Variants in CERS6 observed in about 807,000 individuals in gnomAD.
The protein encoded by CERS6 is ceramide synthase 6.
In CERS6, 26 loss-of-function variants were observed where a neutral mutation model predicts 56.8. The observed-to-expected ratio is 0.46, with a 90% confidence interval of 0.34 to 0.63. The LOEUF (loss-of-function observed/expected upper bound fraction) is 0.63, where lower values mean the gene tolerates loss of function less well. Ranked by LOEUF, CERS6 falls within the 30% of genes least tolerant of loss-of-function variation. The pLI is 0.01. For synonymous variants in CERS6, 164 were observed against 173.3 expected, an observed-to-expected ratio of 0.95 and a Z score of 0.42; for missense variants, 415 against 467.5, an observed-to-expected ratio of 0.89 and a Z score of 1.04.
Position 168,456,448 on chromosome 2 carries a change from G to C in CERS6, c.-1G>C, listed in dbSNP as rs764483068. 1 of 1,612,852 alleles carries C rather than the reference G, an allele frequency of 6.2e-7. No homozygotes were observed. The highest frequency in any genetic ancestry group is 8.5e-7 in the Non-Finnish European group (1 of 1,179,312). ...CGCAGGACAGGAGTGGACAAAGCAA[G>C]ATGGCAGGGATCTTAGCCTGGTTCT... On this transcript the variant is annotated 5_prime_UTR_variant, in exon 1 of 10. Coordinates refer to ENST00000305747, the MANE Select transcript of CERS6 (RefSeq NM_203463.3). The surrounding 1 kb of genome is among the most constrained non-coding windows in gnomAD (Gnocchi z 4.1).
chr2:168,491,192 A>G (rs1396406042), intron 1 of CERS6, among the ~76,000 whole-genome samples: 1 of 152,210 alleles, frequency 6.6e-6, no homozygotes, highest in African/African-American at 2.4e-5. Flanking sequence ...TGTTTGAAAG[A>G]AAACAGGGTT....
chr2:168,601,806 T>A (rs1683939854), intron 3 of CERS6, among the ~76,000 whole-genome samples: 1 of 152,144 alleles, frequency 6.6e-6, no homozygotes, highest in Admixed American at 6.6e-5. Context: ...CACCCCAGCC[T>A]CCCATAGTGC....
chr2:168,510,347 A>G (rs951865448), intron 1 of CERS6, among the ~76,000 whole-genome samples: 1 of 152,198 alleles, frequency 6.6e-6, no homozygotes, highest in African/African-American at 2.4e-5. Flanking sequence ...AAACAGATGT[A>G]CCATCTTTTA....
At chr2:168,469,528 A>G (rs1693939991) in intron 1 of CERS6, among the ~76,000 whole-genome samples, 1 of 151,534 alleles carries the variant, frequency 6.6e-6, no homozygotes, top group African/African-American at 2.4e-5. Flanking sequence ...GGAAATTGAA[A>G]CTTAGTGATT....
rs1193983720 is a variant in CERS6 at position 168,645,116 on chromosome 2, A to AT, written c.465+14074_465+14075insT. The stretch of plus-strand genomic sequence containing the variant: ...AAAAAAAAAAAAAAAAAAAAAAAAA[A>AT]ATATATATATATATATATATATATA... On this transcript the variant is annotated intron_variant, in intron 4 of 9. Transcript: ENST00000305747. Among the ~76,000 whole-genome samples, 45 of 19,010 alleles carry AT rather than the reference A, an allele frequency of 2.4e-3. 7 individuals are homozygous for AT. The highest frequency in any genetic ancestry group is 3.6e-3 in the Non-Finnish European group (36 of 10,002). The allele number at this position is 19,010 out of a possible 152,430, so 12.5% of individuals were successfully genotyped here. A position where few individuals can be genotyped will look rare whatever the true frequency, so the allele number is the denominator to read the frequency against.
intron 1 of CERS6, among the ~76,000 whole-genome samples, chr2:168,485,716 A>G (rs13427333): frequency 0.077 from 11,787 of 152,238 alleles, 510 homozygotes; most frequent in East Asian, 0.18. Context: ...TCCACCTTAT[A>G]GATAAACAAG....
chr2:168,488,609 C>G (rs1209152406), intron 1 of CERS6, among the ~76,000 whole-genome samples: 4 of 151,860 alleles, frequency 2.6e-5, no homozygotes, highest in Non-Finnish European at 5.9e-5. Flanking sequence ...TCCGTGTATT[C>G]CCTCAGTTAT....
At chr2:168,505,382 C>CAAAAAAAAAAAAAAAAA (rs370477008) in intron 1 of CERS6, among the ~76,000 whole-genome samples, 2 of 96,378 alleles carry the variant, frequency 2.1e-5, no homozygotes, top group Admixed American at 1.3e-4. Context: ...ACCCTGTTTC[C>CAAAAAAAAAAAAAAAAA]AAAAAAAAAA....
At chr2:168,535,880 G>A (rs1046901517) in intron 1 of CERS6, among the ~76,000 whole-genome samples, 1 of 151,176 alleles carries the variant, frequency 6.6e-6, no homozygotes, top group Non-Finnish European at 1.5e-5. Flanking sequence ...AAATGGTCTT[G>A]GTACATTTTC....
At chr2:168,467,122 A>G (rs564554548) in intron 1 of CERS6, among the ~76,000 whole-genome samples, 3 of 152,250 alleles carry the variant, frequency 2.0e-5, no homozygotes, top group Admixed American at 2.0e-4. Context: ...CCTTTCTTAA[A>G]GACACGGGGA....
chr2:168,484,167 G>GTTTTTTTTTTTTTTTTTTTTTTTTTTTTT (rs34492119), intron 1 of CERS6, among the ~76,000 whole-genome samples: 2 of 51,610 alleles, frequency 3.9e-5, no homozygotes, highest in Non-Finnish European at 7.4e-5. Flanking sequence ...TCTTTTTTCT[G>GTTTTTTTTTTTTTTTTTTTTTTTTTTTTT]TTTTTTTTTT....
At chr2:168,558,825 C>A (rs1447259770) in intron 2 of CERS6, among the ~76,000 whole-genome samples, 2 of 152,142 alleles carry the variant, frequency 1.3e-5, no homozygotes, top group Admixed American at 6.5e-5. Flanking sequence ...GCAGAGATTG[C>A]ACCACTGCAC....
intron 8 of CERS6, among the ~76,000 whole-genome samples, chr2:168,738,768 G>A (rs138214117): frequency 5.9e-5 from 9 of 152,302 alleles, no homozygotes; most frequent in Admixed American, 1.3e-4. Flanking sequence ...TGTAGTACCC[G>A]TGCTCCAGAA....
chr2:168,721,391 A>G (rs1390832122), intron 8 of CERS6, among the ~76,000 whole-genome samples: 2 of 152,028 alleles, frequency 1.3e-5, no homozygotes, highest in Admixed American at 1.3e-4. Context: ...TTGTTTGGCT[A>G]TTATGAATAA....
chr2:168,770,034 G>T lies in CERS6; in HGVS notation c.*372G>T. 4.0e-6 allele frequency: 1 copy of T among 252,028 alleles called. No individual in the cohort carries two copies. The highest frequency in any genetic ancestry group is 4.3e-5 in the South Asian group (1 of 23,174). The allele number at this position is 252,028 out of a possible 1,614,324, so 15.6% of individuals were successfully genotyped here. On this transcript the variant is annotated 3_prime_UTR_variant, in exon 10 of 10. Coordinates refer to ENST00000305747, the MANE Select transcript of CERS6 (RefSeq NM_203463.3). ...TCTGCTTCTCCCCCTTTCTCTTGCT[G>T]TAGTCCAATGTGCTATGAGCATCAG... is the stretch of plus-strand genomic sequence containing the variant.
At chr2:168,727,407 G>T (rs1296935232) in intron 8 of CERS6, among the ~76,000 whole-genome samples, 3 of 152,050 alleles carry the variant, frequency 2.0e-5, no homozygotes, top group Non-Finnish European at 2.9e-5. Context: ...AAATTAGCCG[G>T]GTGTGGTGGC....
chr2:168,533,731 C>T (rs1026564863), intron 1 of CERS6, among the ~76,000 whole-genome samples: 3 of 152,086 alleles, frequency 2.0e-5, no homozygotes, highest in African/African-American at 7.2e-5. Context: ...GTGGTGTTCT[C>T]TGTATTTCCT....
intron 8 of CERS6, among the ~76,000 whole-genome samples, chr2:168,755,018 C>T (rs1455162654): frequency 1.3e-5 from 2 of 152,236 alleles, no homozygotes; most frequent in African/African-American, 4.8e-5. Flanking sequence ...CGCGATCCCA[C>T]CTCAGCCTCC....
chr2:168,478,839 T>C (rs1017599173), intron 1 of CERS6, among the ~76,000 whole-genome samples: 5 of 152,244 alleles, frequency 3.3e-5, no homozygotes, highest in African/African-American at 1.2e-4. Context: ...TAATCTTTAG[T>C]GACTTAGGTC....
Sources: gnomAD v4.1 joint callset for allele counts (sites outside exome capture counted in the v4.1 genomes callset) on GRCh38, gnomAD v4.1.1 for gene constraint, Gnocchi (gnomAD v3.1) non-coding constraint, MANE v1.5 for transcripts, NCBI Gene and HGNC (gene_info 2026-07-23, HGNC 2026-07-21) for gene names.